Variants in SLC30A7 observed in about 807,000 individuals in gnomAD.
SLC30A7 encodes zinc transporter 7.
SLC30A7 carries 35 observed loss-of-function variants against 46.0 expected under a neutral mutation model. The observed-to-expected ratio is 0.76, with a 90% CI of 0.58 to 1.01. The LOEUF is 1.01. Ranked by LOEUF, SLC30A7 falls within the 50% of genes least tolerant of loss-of-function variation. The probability of loss-of-function intolerance (pLI) is 0.00; values close to 1 mark genes in which losing one functional copy is unlikely to be tolerated. For missense variants in SLC30A7, 464 were observed against 451.1 expected (o/e 1.03, Z -0.26); for synonymous variants, 147 against 157.8 (o/e 0.93, Z 0.51).
At chr1:100,992,210 T>C in the SLC30A7 span, among the ~76,000 whole-genome samples, 1 of 152,144 alleles carries the variant, frequency 6.6e-6, no homozygotes, top group Non-Finnish European at 1.5e-5. Flanking sequence ...TCTCTTATAT[T>C]TACCCTGAAG....
At chr1:100,921,304 G>A (rs1049371818) in intron 7 of SLC30A7, among the ~76,000 whole-genome samples, 1 of 152,032 alleles carries the variant, frequency 6.6e-6, no homozygotes, top group Non-Finnish European at 1.5e-5. Flanking sequence ...CTGTATGTAC[G>A]TATATCTATA....
intron 8 of SLC30A7, among the ~76,000 whole-genome samples, chr1:100,961,097 G>C (rs1229349154): frequency 6.6e-6 from 1 of 151,564 alleles, no homozygotes; most frequent in East Asian, 1.9e-4. Context: ...TGGGACTACA[G>C]GCGCCCGCCA....
At chr1:100,994,456 A>C in the SLC30A7 span, among the ~76,000 whole-genome samples, 4 of 152,134 alleles carry the variant, frequency 2.6e-5, no homozygotes, top group African/African-American at 9.7e-5. Flanking sequence ...ATCATTATAC[A>C]TCTGAAGAAA....
rs575163614 is a variant in SLC30A7 at position 100,979,333 on chromosome 1, C to T, written c.*4476C>T. On this transcript the variant is annotated 3_prime_UTR_variant, in exon 11 of 11. Transcript: ENST00000357650. Reference sequence around the variant, plus strand: ...AATTATATGTTTTTCTTTGGACATTCATTGGAAGGCTTGTTGAAGACATGA... The same window carrying T: ...AATTATATGTTTTTCTTTGGACATTTATTGGAAGGCTTGTTGAAGACATGA... The T allele has an allele frequency of 3.1e-4, 46 of 147,166 alleles. No individual in the cohort carries two copies. The highest frequency in any genetic ancestry group is 1.1e-3 in the African/African-American group (45 of 40,122). 9.1% of individuals were successfully genotyped at this position (147,166 alleles called of 1,614,324 possible).
intron 2 of SLC30A7, among the ~76,000 whole-genome samples, chr1:100,904,471 G>A (rs1651512282): frequency 6.6e-6 from 1 of 150,934 alleles, no homozygotes. Context: ...GTTTATGATA[G>A]CTCCAGTATC....
At chr1:100,964,588 C>A (rs1655768223) in intron 9 of SLC30A7, among the ~76,000 whole-genome samples, 1 of 151,990 alleles carries the variant, frequency 6.6e-6, no homozygotes. Context: ...ATCACACTGC[C>A]CTTTTCATCT....
chr1:100,930,942 A>G (rs1049693292), intron 8 of SLC30A7, among the ~76,000 whole-genome samples: 4 of 152,188 alleles, frequency 2.6e-5, no homozygotes, highest in East Asian at 1.9e-4. Flanking sequence ...CTCAATTTGT[A>G]TGGAATTATT....
chr1:100,989,205 A>T, the SLC30A7 span, among the ~76,000 whole-genome samples: 1 of 152,232 alleles, frequency 6.6e-6, no homozygotes, highest in Non-Finnish European at 1.5e-5. Flanking sequence ...ATATTAACTG[A>T]ATTAAGTTAT....
chr1:100,914,704 A>G (rs1352569502), intron 6 of SLC30A7, among the ~76,000 whole-genome samples: 25 of 152,204 alleles, frequency 1.6e-4, no homozygotes. Flanking sequence ...AGTAGAGTGT[A>G]TGCTTAAGTA....
the SLC30A7 span, among the ~76,000 whole-genome samples, chr1:100,991,076 T>C: frequency 3.3e-5 from 5 of 152,228 alleles, no homozygotes; most frequent in African/African-American, 1.2e-4. Context: ...TGCCATCCAA[T>C]TAGCTGTGTG....
chr1:100,932,493 GA>G (rs1360810949), intron 8 of SLC30A7, among the ~76,000 whole-genome samples: 1 of 152,090 alleles, frequency 6.6e-6, no homozygotes, highest in East Asian at 1.9e-4. Context: ...TACAAAGCAT[GA>G]AAAATAGAAA....
rs769348598 is a variant in SLC30A7, at chr1:100,921,698, A to G, written c.707-8A>G. On this transcript the variant is annotated splice_polypyrimidine_tract_variant and splice_region_variant and intron_variant, in intron 7 of 10. Transcript: ENST00000357650. ...ACTGTTTTGATTTTTATTATGGTTTATTTCTAGGTGTATTTTTACATATCC... is the reference window on the plus strand; with the variant it reads ...ACTGTTTTGATTTTTATTATGGTTTGTTTCTAGGTGTATTTTTACATATCC... 6.2e-7 allele frequency: 1 copy of G among 1,603,040 alleles called. No homozygotes were observed. Among genetic ancestry groups the G allele is most frequent in the Admixed American group, 1.7e-5 (1 of 59,692 alleles).
chr1:100,919,924 G>A (rs978965074), intron 7 of SLC30A7, among the ~76,000 whole-genome samples: 3 of 151,884 alleles, frequency 2.0e-5, no homozygotes, highest in African/African-American at 7.2e-5. Context: ...GGTTTTGGGG[G>A]GTTAGGTTAT....
intron 9 of SLC30A7, among the ~76,000 whole-genome samples, chr1:100,962,528 G>T (rs1356954616): frequency 6.6e-6 from 1 of 152,188 alleles, no homozygotes; most frequent in Non-Finnish European, 1.5e-5. Context: ...GCTATGGCTG[G>T]ATTTAATTTG....
At chr1:100,911,464 A>G (rs569479722) in intron 4 of SLC30A7, among the ~76,000 whole-genome samples, 1 of 152,326 alleles carries the variant, frequency 6.6e-6, no homozygotes, top group East Asian at 1.9e-4. Context: ...GAACCAGTCA[A>G]TCTTTAACAT....
chr1:100,985,447 A>G (rs1395580421), downstream of SLC30A7, among the ~76,000 whole-genome samples: 1 of 152,232 alleles, frequency 6.6e-6, no homozygotes, highest in Non-Finnish European at 1.5e-5. Context: ...GGAAAGGCAA[A>G]GGAACTAGAA....
At chr1:100,995,135 CCTTTA>C in the SLC30A7 span, 1 of 1,579,072 alleles carries the variant, frequency 6.3e-7, no homozygotes, top group Non-Finnish European at 8.7e-7. Flanking sequence ...AAAGACTGCT[CCTTTA>C]CTTTGATGTC....
At chr1:100,935,918 A>G (rs1229361276) in intron 8 of SLC30A7, among the ~76,000 whole-genome samples, 1 of 152,130 alleles carries the variant, frequency 6.6e-6, no homozygotes, top group Non-Finnish European at 1.5e-5. Context: ...TTCCTAATAT[A>G]TGGGCCAGAA....
chr1:100,934,120 C>T (rs567238017), intron 8 of SLC30A7, among the ~76,000 whole-genome samples: 36 of 152,058 alleles, frequency 2.4e-4, no homozygotes, highest in Admixed American at 3.3e-4. Context: ...TGAGATTCAG[C>T]AGGCTTGACT....
Sources: allele counts gnomAD v4.1 joint callset (sites outside exome capture counted in the v4.1 genomes callset), GRCh38; gene constraint gnomAD v4.1.1; transcripts MANE v1.5; gene names NCBI Gene and HGNC (gene_info 2026-07-23, HGNC 2026-07-21).